DCAF8: variants seen among roughly 807,000 people sequenced by gnomAD.
DCAF8 encodes the protein DDB1- and CUL4-associated factor 8.
Under a neutral mutation model 68.0 loss-of-function variants are expected in DCAF8, and 20 were observed. The observed-to-expected ratio is 0.29, with a 90% CI of 0.21 to 0.43. The LOEUF (loss-of-function observed/expected upper bound fraction) is 0.43. DCAF8 is among the 20% of genes least tolerant of loss of function. The pLI is 1.00. For synonymous variants in DCAF8, 230 were observed against 276.9 expected, an observed-to-expected ratio of 0.83 and a Z score of 1.68; for missense variants, 460 against 771.0, an observed-to-expected ratio of 0.60 and a Z score of 4.78.
Position 160,237,183 on chromosome 1 carries a change from T to C in DCAF8, c.911A>G (p.Glu304Gly). The change falls in exon 6 of 14, where the codon GAA (glutamate) becomes GGA (glycine). Residue 304 changes from glutamate (E) to glycine (G), a missense_variant. Physicochemically the swap from Glu to Gly is moderately conservative, Grantham distance 98. This residue lies in a region of DCAF8 where 170 missense variants were observed against 318.2 expected (regional missense o/e 0.53). Transcript: ENST00000368074. ...GTCAATGGTGAAAACAACTGCATCTTCACCTGCAGATAAGAACGTACAGGG... is the reference window on the plus strand; with the variant it reads ...GTCAATGGTGAAAACAACTGCATCTCCACCTGCAGATAAGAACGTACAGGG... ...DSPCTFLSAG[E>G]DAVVFTIDLR... 3 of 1,579,160 alleles carry C rather than the reference T, an allele frequency of 1.9e-6. No individual in the cohort carries two copies. Among genetic ancestry groups the C allele is most frequent in the Non-Finnish European group, 2.6e-6 (3 of 1,160,260 alleles).
intron 10 of DCAF8, among the ~76,000 whole-genome samples, chr1:160,223,038 C>T (rs146043046): frequency 6.6e-6 from 1 of 152,352 alleles, no homozygotes; most frequent in African/African-American, 2.4e-5. Context: ...CAAGTAACCA[C>T]AGGCCTCTCT....
intron 2 of DCAF8, among the ~76,000 whole-genome samples, chr1:160,253,472 A>G (rs58090894): frequency 0.014 from 2,128 of 151,750 alleles, 57 homozygotes; most frequent in African/African-American, 0.048. Context: ...ACATGGTGAA[A>G]CCCTGTCTCT....
At chr1:160,223,105 C>A (rs1274786646) in intron 10 of DCAF8, among the ~76,000 whole-genome samples, 1 of 152,258 alleles carries the variant, frequency 6.6e-6, no homozygotes, top group Admixed American at 6.5e-5. Flanking sequence ...TTAGGCAGCA[C>A]TGTCTTATGG....
At chr1:160,220,163 C>A (rs751823172) in intron 11 of DCAF8, 2 of 152,256 alleles carry the variant, frequency 1.3e-5, no homozygotes, top group Non-Finnish European at 2.9e-5. Context: ...TTCTTTATCT[C>A]CTCCTCCCAT....
chr1:160,244,064 A>G (rs1345328809), intron 2 of DCAF8, 30 bp from the exon 3 acceptor site: 2 of 1,553,940 alleles, frequency 1.3e-6, no homozygotes, highest in Non-Finnish European at 1.8e-6. Flanking sequence ...AAACCAAAAC[A>G]ATTAGGAAAC....
chr1:160,219,014 T>C (rs747003693), intron 11 of DCAF8, 46 bp from the exon 12 acceptor site: 16 of 1,608,572 alleles, frequency 9.9e-6, no homozygotes, highest in Admixed American at 1.7e-5. Flanking sequence ...TGTGTGGGAG[T>C]AGGGTTTAAA....
chr1:160,243,848 C>A (rs1017530477), intron 3 of DCAF8, 112 bp downstream of exon 3: 8 of 1,025,334 alleles, frequency 7.8e-6, no homozygotes, highest in South Asian at 1.4e-5. Context: ...CAGAACAACA[C>A]AGGAAAGTTT....
Position 160,255,128 on chromosome 1 carries a change from A to G in DCAF8, c.-27+6157T>C, listed in dbSNP as rs529243052. Among the ~76,000 whole-genome samples, 4 of 152,312 alleles carry G rather than the reference A, an allele frequency of 2.6e-5. No individual in the cohort carries two copies. In the South Asian group the frequency reaches 6.2e-4, roughly 24 times the overall value. On this transcript the variant is annotated intron_variant, in intron 2 of 13. Coordinates refer to ENST00000368074, the MANE Select transcript of DCAF8 (RefSeq NM_015726.4). ...GTATATAATATAGGACACAGTCCCA[A>G]GTCTATGAAATCTGCTTACCCTTTC...
In DCAF8 at chr1:160,239,747, G is replaced by A. The variant is rs564633806; in HGVS notation, c.673C>T (p.Arg225Trp). 4 of 1,614,036 alleles carry A rather than the reference G, an allele frequency of 2.5e-6. No individual in the cohort carries two copies. The highest frequency in any genetic ancestry group is 2.7e-5 in the African/African-American group (2 of 74,902). ...LKVVVWDWVR[R>W]QPVLDFESGH... ...CTCTCAAAGTCCAGTACTGGCTGCC[G>A]CCGTACCCAATCCCACACCACCACC... The change falls in exon 4 of 14, where the codon CGG becomes TGG. Residue 225 changes from arginine (R) to tryptophan (W), a missense_variant. Physicochemically the swap from Arg to Trp is moderately radical, Grantham distance 101 (BLOSUM62 -3). Around this residue, in one of 8 missense-constraint regions of DCAF8, gnomAD observed 170 missense variants for 318.2 expected, o/e 0.53. Coordinates refer to ENST00000368074, the MANE Select transcript of DCAF8 (RefSeq NM_015726.4).
intron 6 of DCAF8, among the ~76,000 whole-genome samples, chr1:160,236,408 GTGTGTGTATATA>G (rs887438573): frequency 4.0e-5 from 6 of 151,364 alleles, no homozygotes; most frequent in African/African-American, 1.5e-4. Context: ...ATGTGTATAT[GTGTGTGTATATA>G]TGTGTGTGTG....
chr1:160,241,341 A>G (rs1264249409), intron 3 of DCAF8, among the ~76,000 whole-genome samples: 1 of 152,210 alleles, frequency 6.6e-6, no homozygotes. Context: ...GAATTTTTTA[A>G]TATAATTCTT....
intron 11 of DCAF8, chr1:160,219,268 TAAG>T (rs1262763662): frequency 1.9e-5 from 5 of 257,850 alleles, no homozygotes; most frequent in African/African-American, 8.8e-5. Context: ...GCTGGCTTCG[TAAG>T]AAGACAATGA....
Position 160,240,116 on chromosome 1 carries a change from C to G in DCAF8, c.304G>C (p.Glu102Gln), listed in dbSNP as rs751240226. 29 of 1,614,018 alleles carry G rather than the reference C, an allele frequency of 1.8e-5. No individual in the cohort carries two copies. In the East Asian group the frequency reaches 4.7e-4, roughly 26 times the overall value. The change falls in exon 4 of 14, where the codon GAG becomes CAG. Residue 102 changes from glutamate to glutamine, a missense_variant. By Grantham distance (29) the Glu-to-Gln change is conservative. Around this residue, in one of 8 missense-constraint regions of DCAF8, gnomAD observed 156 missense variants for 181.4 expected, o/e 0.86. Transcript: ENST00000368074. ...TCCTCCTCTTCTTCCTCCTCTTCCTCTTCCTCTGAGCGGTCATGGACTCGA... is the reference window on the plus strand; with the variant it reads ...TCCTCCTCTTCTTCCTCCTCTTCCTGTTCCTCTGAGCGGTCATGGACTCGA... ...ENRVHDRSEE[E>Q]EEEEEEEEEE...
At chr1:160,242,938 GAA>G (rs1457792074) in intron 3 of DCAF8, among the ~76,000 whole-genome samples, 2 of 152,142 alleles carry the variant, frequency 1.3e-5, no homozygotes, top group African/African-American at 4.8e-5. Flanking sequence ...TGAAAAATAT[GAA>G]CCACTTTCCT....
intron 2 of DCAF8, among the ~76,000 whole-genome samples, chr1:160,257,353 A>G (rs1004411009): frequency 3.9e-5 from 6 of 152,210 alleles, no homozygotes; most frequent in Admixed American, 1.3e-4. Flanking sequence ...TCTGGTTTGG[A>G]TACCGTTATT....
rs942028772 is a variant in DCAF8 at position 160,217,570 on chromosome 1, T to G, written c.*22A>C. The G allele has an allele frequency of 1.3e-6, 2 of 1,582,474 alleles. No homozygotes were observed. The highest frequency in any genetic ancestry group is 2.7e-5 in the African/African-American group (2 of 74,266). ...CAGGATCAGGTTGGCAGCCCCAGCC[T>G]GCCCCACCTAGGTATGAGGCCTCAA... On this transcript the variant is annotated 3_prime_UTR_variant, in exon 14 of 14. Transcript: ENST00000368074.
At position 160,239,868 on chromosome 1, in the gene DCAF8, G is replaced by A. The variant is rs1197935006; in HGVS notation, c.552C>T (p.Arg184=). ...CGARVFVQRF[R]LQHGLEGHTG... is the part of the protein sequence containing the mutation. ...TATGGCCCTCAAGCCCATGCTGCAGGCGGAAACGCTGCACAAAGACTCTTG... is the reference window on the plus strand; with the variant it reads ...TATGGCCCTCAAGCCCATGCTGCAGACGGAAACGCTGCACAAAGACTCTTG... Residue 184 remains arginine, a synonymous_variant, in exon 4 of 14, where the codon CGC becomes CGT. Transcript: ENST00000368074. The A allele has an allele frequency of 6.2e-7, 1 of 1,614,266 alleles. No homozygotes were observed. The highest frequency in any genetic ancestry group is 1.3e-5 in the African/African-American group (1 of 75,076).
At chr1:160,219,950 T>A (rs1462272816) in intron 11 of DCAF8, 1 of 152,230 alleles carries the variant, frequency 6.6e-6, no homozygotes, top group East Asian at 1.9e-4. Flanking sequence ...AGAAAACAAC[T>A]TCTTTTAGTT....
intron 7 of DCAF8, among the ~76,000 whole-genome samples, chr1:160,226,517 T>C (rs1370906639): frequency 6.6e-6 from 1 of 152,206 alleles, no homozygotes; most frequent in African/African-American, 2.4e-5. Context: ...AGATCCAGTA[T>C]CTGTTCTCAC....
Sources: allele counts gnomAD v4.1 joint callset (sites outside exome capture counted in the v4.1 genomes callset), GRCh38; gene constraint gnomAD v4.1.1; regional missense constraint gnomAD v4.1.1; transcripts MANE v1.5; gene names NCBI Gene and HGNC (gene_info 2026-07-23, HGNC 2026-07-21).